Variants in SNTB2 observed in about 807,000 individuals in gnomAD.
SNTB2 encodes the protein beta-2-syntrophin.
Under a neutral mutation model 46.2 loss-of-function variants are expected in SNTB2, and 34 were observed. The ratio of observed to expected loss-of-function variants is 0.74; its 90% CI spans 0.56 to 0.98. The LOEUF (loss-of-function observed/expected upper bound fraction) is 0.98. Ranked by LOEUF, SNTB2 falls within the 50% of genes least tolerant of loss-of-function variation. The probability of loss-of-function intolerance (pLI) is 0.00; values close to 1 mark genes in which losing one functional copy is unlikely to be tolerated. For synonymous variants in SNTB2, 290 were observed against 312.6 expected, an observed-to-expected ratio of 0.93 and a Z score of 0.76; for missense variants, 603 against 731.4, an observed-to-expected ratio of 0.82 and a Z score of 2.02.
intron 1 of SNTB2, among the ~76,000 whole-genome samples, chr16:69,214,127 A>ATTT (rs779200195): frequency 4.0e-5 from 5 of 126,392 alleles, no homozygotes; most frequent in Non-Finnish European, 6.8e-5. Context: ...CCAGCCTTTT[A>ATTT]TTTTTTTTTT....
At chr16:69,197,620 G>A (rs376547113) in intron 1 of SNTB2, among the ~76,000 whole-genome samples, 4 of 152,084 alleles carry the variant, frequency 2.6e-5, no homozygotes, top group African/African-American at 9.6e-5. Context: ...ATATTACTAT[G>A]TTATTTTACT....
At chr16:69,239,902 A>G (rs1295387797) in intron 1 of SNTB2, among the ~76,000 whole-genome samples, 1 of 152,168 alleles carries the variant, frequency 6.6e-6, no homozygotes, top group Non-Finnish European at 1.5e-5. Flanking sequence ...GGGTCATACA[A>G]CTTTTGAGAC....
intron 1 of SNTB2, among the ~76,000 whole-genome samples, chr16:69,240,010 G>A (rs900884146): frequency 2.0e-5 from 3 of 152,108 alleles, no homozygotes; most frequent in African/African-American, 7.2e-5. Context: ...CTGTATCACA[G>A]TTTATCCATT....
chr16:69,214,941 T>G (rs1964331972), intron 1 of SNTB2, among the ~76,000 whole-genome samples: 1 of 152,148 alleles, frequency 6.6e-6, no homozygotes, highest in Non-Finnish European at 1.5e-5. Context: ...CCTCCTAGAC[T>G]TAAGCTATTC....
intron 4 of SNTB2, among the ~76,000 whole-genome samples, chr16:69,271,817 C>T (rs2143122923): frequency 6.6e-6 from 1 of 152,232 alleles, no homozygotes; most frequent in East Asian, 1.9e-4. Flanking sequence ...TTACCACGTT[C>T]CGTAGAAGAG....
chr16:69,225,348 C>T (rs1370241127), intron 1 of SNTB2, among the ~76,000 whole-genome samples: 2 of 152,164 alleles, frequency 1.3e-5, no homozygotes, highest in Admixed American at 6.5e-5. Flanking sequence ...ACAAAGCATC[C>T]GGTTTATCCA....
intron 1 of SNTB2, among the ~76,000 whole-genome samples, chr16:69,219,967 G>T (rs1331320731): frequency 6.6e-6 from 1 of 151,854 alleles, no homozygotes; most frequent in Non-Finnish European, 1.5e-5. Context: ...GGCCAGGATG[G>T]TCTTGATCTC....
chr16:69,193,466 T>G (rs927224396), intron 1 of SNTB2, among the ~76,000 whole-genome samples: 1 of 151,672 alleles, frequency 6.6e-6, no homozygotes, highest in Non-Finnish European at 1.5e-5. Flanking sequence ...GTAGCTTGGA[T>G]TACTGGTGTG....
intron 4 of SNTB2, among the ~76,000 whole-genome samples, chr16:69,281,485 G>GTTTTTTTTTTTTTT (rs575825315): frequency 7.4e-6 from 1 of 135,826 alleles, no homozygotes; most frequent in Non-Finnish European, 1.6e-5. Context: ...GTAAGGTCTG[G>GTTTTTTTTTTTTTT]TTTTTTTTTT....
intron 2 of SNTB2, among the ~76,000 whole-genome samples, chr16:69,257,863 G>C (rs1032097059): frequency 6.6e-6 from 1 of 152,222 alleles, no homozygotes. Flanking sequence ...GAAGTAGCTA[G>C]ATGATCTACT....
At chr16:69,220,154 ATTT>A (rs889068336) in intron 1 of SNTB2, among the ~76,000 whole-genome samples, 3 of 97,554 alleles carry the variant, frequency 3.1e-5, no homozygotes, top group African/African-American at 4.6e-5. Flanking sequence ...AGAAAGTCAG[ATTT>A]TTTTTTTTTT....
At chr16:69,230,347 T>G (rs1439760056) in intron 1 of SNTB2, 2 of 151,950 alleles carry the variant, frequency 1.3e-5, no homozygotes, top group Non-Finnish European at 2.9e-5. Flanking sequence ...CCCTTAATTT[T>G]ATAGTATATG....
At chr16:69,220,347 G>T (rs572532906) in intron 1 of SNTB2, among the ~76,000 whole-genome samples, 280 of 149,568 alleles carry the variant, frequency 1.9e-3, no homozygotes, top group Non-Finnish European at 2.8e-3. Flanking sequence ...ATTTTTAGTA[G>T]AGACGGGGTT....
At chr16:69,220,325 C>CTAATTTTT (rs1964390180) in intron 1 of SNTB2, among the ~76,000 whole-genome samples, 1 of 150,936 alleles carries the variant, frequency 6.6e-6, no homozygotes, top group Non-Finnish European at 1.5e-5. Context: ...CCACACCCGG[C>CTAATTTTT]TAATTTTTTG....
chr16:69,257,115 G>A (rs956472166), intron 2 of SNTB2, among the ~76,000 whole-genome samples: 2 of 150,562 alleles, frequency 1.3e-5, no homozygotes, highest in Admixed American at 6.6e-5. Flanking sequence ...AGGTTTCAGT[G>A]AGCTGAGATC....
At chr16:69,258,605 C>CTTTTTTTTTTTTTT (rs67116274) in intron 2 of SNTB2, among the ~76,000 whole-genome samples, 2 of 83,502 alleles carry the variant, frequency 2.4e-5, no homozygotes, top group African/African-American at 4.7e-5. Context: ...CTTGTTCTTT[C>CTTTTTTTTTTTTTT]TTTTTTTTTT....
chr16:69,224,123 A>G (rs1187741605), intron 1 of SNTB2, among the ~76,000 whole-genome samples: 1 of 151,980 alleles, frequency 6.6e-6, no homozygotes, highest in African/African-American at 2.4e-5. Flanking sequence ...CAGGGGTGGG[A>G]TATGACTTCA....
At chr16:69,242,766 T>C (rs557788396) in intron 1 of SNTB2, among the ~76,000 whole-genome samples, 1 of 152,092 alleles carries the variant, frequency 6.6e-6, no homozygotes, top group African/African-American at 2.4e-5. Context: ...TCAAGCCTGT[T>C]ATCCCAGCAC....
chr16:69,269,214 C>T (rs926019007), intron 3 of SNTB2, among the ~76,000 whole-genome samples: 11 of 151,332 alleles, frequency 7.3e-5, no homozygotes, highest in African/African-American at 9.7e-5. Flanking sequence ...CCGTGATCCG[C>T]GTTTTAAAAA....
Sources: allele counts gnomAD v4.1 joint callset (sites outside exome capture counted in the v4.1 genomes callset), GRCh38; gene constraint gnomAD v4.1.1; transcripts MANE v1.5; gene names NCBI Gene and HGNC (gene_info 2026-07-23, HGNC 2026-07-21).